SLC12A7: variants seen among roughly 807,000 people sequenced by gnomAD.
SLC12A7 encodes the protein solute carrier family 12 member 7.
A neutral mutation model predicts 120.6 loss-of-function variants in SLC12A7; 100 were observed. The ratio of observed to expected loss-of-function variants is 0.83; its 90% CI spans 0.71 to 0.98. The LOEUF (loss-of-function observed/expected upper bound fraction) is 0.98, where lower values mean the gene tolerates loss of function less well. Ranked by LOEUF, SLC12A7 falls within the 50% of genes least tolerant of loss-of-function variation. The probability of loss-of-function intolerance (pLI) is 0.00; values close to 1 mark genes in which losing one functional copy is unlikely to be tolerated. For synonymous variants in SLC12A7, 760 were observed against 678.0 expected, an observed-to-expected ratio of 1.12 and a Z score of -1.88; for missense variants, 1,373 against 1,548.1, an observed-to-expected ratio of 0.89 and a Z score of 1.90.
intron 17 of SLC12A7, among the ~76,000 whole-genome samples, chr5:1,066,131 GGCCC>G: frequency 6.6e-6 from 1 of 152,142 alleles, no homozygotes; most frequent in Non-Finnish European, 1.5e-5. Context: ...CTGACCTTCA[GGCCC>G]TGGAACCCCA....
intron 22 of SLC12A7, among the ~76,000 whole-genome samples, chr5:1,056,367 A>G (rs1221393082): frequency 6.6e-6 from 1 of 152,140 alleles, no homozygotes; most frequent in Non-Finnish European, 1.5e-5. Flanking sequence ...TGCTGGAGCC[A>G]CCGTGAACAG....
Position 1,111,856 on chromosome 5 carries a change from G to A in SLC12A7, c.124+12C>T, listed in dbSNP as rs1743036757. 3 of 1,206,520 alleles carry A rather than the reference G, an allele frequency of 2.5e-6. No individual in the cohort carries two copies. Among genetic ancestry groups the A allele is most frequent in the Middle Eastern group, 3.3e-4 (1 of 3,062 alleles). 74.7% of individuals were successfully genotyped at this position (1,206,520 alleles called of 1,614,324 possible). ...GCTCGGCCTTTGTCCGGCCAGGTGCGGCCGCGCTCACCCGGGCTGGGGCGC... is the reference window on the plus strand; with the variant it reads ...GCTCGGCCTTTGTCCGGCCAGGTGCAGCCGCGCTCACCCGGGCTGGGGCGC... On this transcript the variant is annotated intron_variant, in intron 1 of 23. Coordinates refer to ENST00000264930, the MANE Select transcript of SLC12A7 (RefSeq NM_006598.3).
At chr5:1,089,251 C>T in intron 3 of SLC12A7, 123 bp from the exon 4 acceptor site, 1 of 1,050,416 alleles carries the variant, frequency 9.5e-7, no homozygotes, top group Non-Finnish European at 1.4e-6. Flanking sequence ...GGGCAGGAGT[C>T]CTTCCCAGAA....
At chr5:1,152,669 A>C in the SLC12A7 span, among the ~76,000 whole-genome samples, 1 of 152,146 alleles carries the variant, frequency 6.6e-6, no homozygotes, top group East Asian at 1.9e-4. Flanking sequence ...CCCTTACAGA[A>C]CGGAGACGCC....
chr5:1,050,706 C>T lies in SLC12A7; in HGVS notation c.*1654G>A, dbSNP rs1220584311. 8 of 395,504 alleles carry T rather than the reference C, an allele frequency of 2.0e-5. No individual in the cohort carries two copies. Among genetic ancestry groups the T allele is most frequent in the Admixed American group, 4.4e-5 (1 of 22,650 alleles). 24.5% of individuals were successfully genotyped at this position (395,504 alleles called of 1,614,324 possible). On this transcript the variant is annotated 3_prime_UTR_variant, in exon 24 of 24. Coordinates refer to ENST00000264930, the MANE Select transcript of SLC12A7 (RefSeq NM_006598.3). ...CAGGTGCAGGGGACACAGGACCTGC[C>T]GGCCCCATCCAGACATGGAGGAGCG...
chr5:1,090,015 G>C lies in SLC12A7; in HGVS notation c.343-887C>G, dbSNP rs545264649. 5.9e-5 allele frequency among the ~76,000 whole-genome samples: 9 copies of C among 152,378 alleles called. No individual in the cohort carries two copies. The East Asian group carries it at 1.5e-3, about 26-fold the overall frequency. On this transcript the variant is annotated intron_variant, in intron 3 of 23. Transcript: ENST00000264930. ...ACGTCTCAAGGTCAATACGGAAAAGGGGGAAGGTTTTATTTGAAGACACTT... is the reference window on the plus strand; with the variant it reads ...ACGTCTCAAGGTCAATACGGAAAAGCGGGAAGGTTTTATTTGAAGACACTT...
intron 3 of SLC12A7, among the ~76,000 whole-genome samples, chr5:1,090,822 G>A (rs139817516): frequency 1.1e-3 from 165 of 152,334 alleles, no homozygotes; most frequent in East Asian, 3.7e-3. Context: ...CTCTTGGTTC[G>A]CGCCTAAAGG....
At chr5:1,127,456 G>A in the SLC12A7 span, among the ~76,000 whole-genome samples, 8 of 152,366 alleles carry the variant, frequency 5.3e-5, no homozygotes, top group Middle Eastern at 3.4e-3. Context: ...GGGCAGGAAG[G>A]AGCCTCTTTT....
At chr5:1,100,562 T>G (rs1741913169) in intron 1 of SLC12A7, among the ~76,000 whole-genome samples, 1 of 152,194 alleles carries the variant, frequency 6.6e-6, no homozygotes, top group South Asian at 2.1e-4. Flanking sequence ...GAAAGGAAGG[T>G]GAGCTGCGCT....
intron 22 of SLC12A7, among the ~76,000 whole-genome samples, chr5:1,055,244 T>A (rs1224733086): frequency 6.6e-6 from 1 of 152,230 alleles, no homozygotes; most frequent in Non-Finnish European, 1.5e-5. Flanking sequence ...AGTCACAATG[T>A]GCAAATGCGT....
intron 1 of SLC12A7, among the ~76,000 whole-genome samples, chr5:1,111,158 G>A (rs1742969033): frequency 6.6e-6 from 1 of 152,232 alleles, no homozygotes. Flanking sequence ...TCTAGAGGGG[G>A]CTGAGATCCG....
chr5:1,155,879 G>A, the SLC12A7 span, among the ~76,000 whole-genome samples: 1 of 151,540 alleles, frequency 6.6e-6, no homozygotes, highest in Non-Finnish European at 1.5e-5. Flanking sequence ...TGTCCGCGAC[G>A]GCTGCGGGGA....
chr5:1,057,197 C>T, intron 22 of SLC12A7: 1 of 443,660 alleles, frequency 2.3e-6, no homozygotes, highest in Non-Finnish European at 4.0e-6. Flanking sequence ...AGAAGGACCC[C>T]TCAGCACTTG....
the SLC12A7 span, among the ~76,000 whole-genome samples, chr5:1,125,198 T>G: frequency 1.3e-5 from 2 of 152,084 alleles, no homozygotes; most frequent in Non-Finnish European, 2.9e-5. Context: ...GCCTGGGAAC[T>G]GCAGCACATG....
At chr5:1,081,360 AAAAAATACAG>A (rs1273864309) in intron 9 of SLC12A7, among the ~76,000 whole-genome samples, 1 of 151,944 alleles carries the variant, frequency 6.6e-6, no homozygotes, top group East Asian at 1.9e-4. Flanking sequence ...CCCCCTCTAC[AAAAAATACAG>A]ATATTAGCCG....
chr5:1,117,089 A>C, the SLC12A7 span, among the ~76,000 whole-genome samples: 1 of 152,124 alleles, frequency 6.6e-6, no homozygotes, highest in Non-Finnish European at 1.5e-5. This position sits in a 1 kb window ranked among gnomAD's most constrained non-coding sequence, Gnocchi z 4.5. Context: ...GCTCTGTCTC[A>C]GAGCCGCGGA....
At chr5:1,084,322 C>T (rs368405412) in intron 7 of SLC12A7, among the ~76,000 whole-genome samples, 1 of 152,230 alleles carries the variant, frequency 6.6e-6, no homozygotes, top group East Asian at 1.9e-4. Context: ...TTTTCCACCG[C>T]GCGGTGCCGA....
At chr5:1,120,088 G>A in the SLC12A7 span, among the ~76,000 whole-genome samples, 1 of 152,260 alleles carries the variant, frequency 6.6e-6, no homozygotes, top group Non-Finnish European at 1.5e-5. Context: ...TCCCCCTGGG[G>A]CTGAGGGGAC....
chr5:1,137,850 G>T, the SLC12A7 span, among the ~76,000 whole-genome samples: 1 of 152,224 alleles, frequency 6.6e-6, no homozygotes, highest in Non-Finnish European at 1.5e-5. Flanking sequence ...CAGCTCCCCG[G>T]GGCCTGGCGC....
Sources: allele counts gnomAD v4.1 joint callset (sites outside exome capture counted in the v4.1 genomes callset), GRCh38; gene constraint gnomAD v4.1.1; non-coding constraint Gnocchi (gnomAD v3.1); transcripts MANE v1.5; gene names NCBI Gene and HGNC (gene_info 2026-07-23, HGNC 2026-07-21).